The following DLGAP1 variants were observed in gnomAD, a reference collection of about 807,000 sequenced individuals.
DLGAP1 encodes the protein disks large-associated protein 1.
DLGAP1 carries 11 observed loss-of-function variants against 90.8 expected under a neutral mutation model. The observed-to-expected ratio is 0.12, with a 90% CI of 0.08 to 0.20. The LOEUF (loss-of-function observed/expected upper bound fraction) is 0.20, where lower values mean the gene tolerates loss of function less well. Ranked by LOEUF, DLGAP1 falls within the 10% of genes least tolerant of loss-of-function variation. The pLI is 1.00. For missense variants in DLGAP1, 1,050 were observed against 1,333.8 expected, an observed-to-expected ratio of 0.79 and a Z score of 3.31; for synonymous variants, 558 against 540.7, an observed-to-expected ratio of 1.03 and a Z score of -0.44.
intron 1 of DLGAP1, among the ~76,000 whole-genome samples, chr18:4,414,643 T>C (rs1267342624): frequency 1.3e-5 from 2 of 150,422 alleles, no homozygotes; most frequent in Non-Finnish European, 2.9e-5. Flanking sequence ...GGAGAATCAC[T>C]GGAACCCGGA....
At chr18:4,131,062 A>G (rs2076306517) in intron 2 of DLGAP1, among the ~76,000 whole-genome samples, 1 of 152,108 alleles carries the variant, frequency 6.6e-6, no homozygotes. Context: ...AAACAGCATT[A>G]CAGTGTCTTT....
chr18:3,876,523 A>C (rs952338196), intron 4 of DLGAP1, among the ~76,000 whole-genome samples: 11 of 152,204 alleles, frequency 7.2e-5, no homozygotes, highest in Admixed American at 6.5e-5. Flanking sequence ...CCAATGTAGG[A>C]CAGAATATGT....
chr18:4,001,678 A>G (rs953236224), intron 3 of DLGAP1, among the ~76,000 whole-genome samples: 5 of 151,988 alleles, frequency 3.3e-5, no homozygotes, highest in African/African-American at 9.7e-5. Flanking sequence ...CTTTGCTCCT[A>G]TCATCTATTT....
At chr18:3,537,223 A>T (rs575073246) in intron 9 of DLGAP1, among the ~76,000 whole-genome samples, 1 of 152,096 alleles carries the variant, frequency 6.6e-6, no homozygotes, top group Non-Finnish European at 1.5e-5. Context: ...ATCTTTTCCA[A>T]CTGAAACTGT....
intron 1 of DLGAP1, among the ~76,000 whole-genome samples, chr18:4,257,844 C>T (rs1309039444): frequency 1.3e-5 from 2 of 151,946 alleles, no homozygotes; most frequent in Admixed American, 6.6e-5. Flanking sequence ...AGGCTGGTCT[C>T]AAACTCCTGA....
At chr18:4,189,487 A>T (rs2077356325) in intron 1 of DLGAP1, among the ~76,000 whole-genome samples, 1 of 152,150 alleles carries the variant, frequency 6.6e-6, no homozygotes, top group Non-Finnish European at 1.5e-5. Context: ...AGAAGGTCTA[A>T]ATAAACTGAA....
chr18:3,550,529 G>A (rs2053329515), intron 9 of DLGAP1, among the ~76,000 whole-genome samples: 1 of 152,152 alleles, frequency 6.6e-6, no homozygotes, highest in East Asian at 1.9e-4. Context: ...CCTGGCCTTA[G>A]GGCCTTTAAA....
intron 1 of DLGAP1, among the ~76,000 whole-genome samples, chr18:4,276,369 C>G (rs746884621): frequency 6.6e-6 from 1 of 152,014 alleles, no homozygotes; most frequent in Non-Finnish European, 1.5e-5. Context: ...GGCACGTTGG[C>G]TTATCCCTGT....
chr18:4,155,105 G>C (rs2076734387), intron 1 of DLGAP1, among the ~76,000 whole-genome samples: 1 of 151,964 alleles, frequency 6.6e-6, no homozygotes, highest in Non-Finnish European at 1.5e-5. Context: ...AAAAACTTGA[G>C]AGATGTGAGG....
chr18:3,942,438 A>C, intron 3 of DLGAP1, among the ~76,000 whole-genome samples: 1 of 152,256 alleles, frequency 6.6e-6, no homozygotes, highest in East Asian at 1.9e-4. Context: ...GGAAAGCTTC[A>C]GAATACGTTT....
At chr18:3,754,055 C>T (rs1261388216) in intron 5 of DLGAP1, among the ~76,000 whole-genome samples, 1 of 152,144 alleles carries the variant, frequency 6.6e-6, no homozygotes, top group Admixed American at 6.5e-5. Flanking sequence ...GGCTAGAGTG[C>T]AGTGGCATGA....
chr18:4,230,504 A>C (rs773675422), intron 1 of DLGAP1, among the ~76,000 whole-genome samples: 1 of 152,052 alleles, frequency 6.6e-6, no homozygotes, highest in Non-Finnish European at 1.5e-5. Flanking sequence ...ACTGGAGGTC[A>C]TTATGTTAAG....
chr18:3,996,049 A>G (rs1350292090), intron 3 of DLGAP1, among the ~76,000 whole-genome samples: 1 of 152,190 alleles, frequency 6.6e-6, no homozygotes, highest in Non-Finnish European at 1.5e-5. Context: ...GCCTAATTCA[A>G]TACTTAACTT....
chr18:3,785,484 A>C lies in DLGAP1; in HGVS notation c.1172+28575T>G, dbSNP rs536078028. Among the ~76,000 whole-genome samples, 23 of 152,354 alleles carry C rather than the reference A, an allele frequency of 1.5e-4. No individual in the cohort carries two copies. The South Asian group carries it at 4.6e-3, about 30-fold the overall frequency. ...CAGGAGAATGAGTACTCAATAACTC[A>C]GTGGAGTACAGATCTTATAAAGCCT... On this transcript the variant is annotated intron_variant, in intron 5 of 12. Transcript: ENST00000315677.
At position 4,099,833 on chromosome 18, in the gene DLGAP1, A is replaced by G. The variant is rs370310703; in HGVS notation, c.-159+51347T>C. Among the ~76,000 whole-genome samples, 39 of 151,320 alleles carry G rather than the reference A, an allele frequency of 2.6e-4. 3 individuals carry two copies. The highest frequency in any genetic ancestry group is 9.2e-4 in the Admixed American group (14 of 15,152). ...ATCCTTCTGCCTCAGCCTCCCTAGT[A>G]GCTGGGACTACAGGTGTGTGCTGCC... On this transcript the variant is annotated intron_variant, in intron 2 of 12. Coordinates refer to ENST00000315677, the MANE Select transcript of DLGAP1 (RefSeq NM_004746.4).
chr18:4,358,534 C>A (rs1021621410), intron 1 of DLGAP1, among the ~76,000 whole-genome samples: 2 of 152,210 alleles, frequency 1.3e-5, no homozygotes, highest in African/African-American at 4.8e-5. Context: ...CCAGTGACCT[C>A]AAGTAAGGAG....
intron 7 of DLGAP1, among the ~76,000 whole-genome samples, chr18:3,675,174 G>A (rs1024654032): frequency 7.2e-5 from 11 of 152,108 alleles, no homozygotes; most frequent in South Asian, 2.1e-4. Flanking sequence ...TGGTTCAAGC[G>A]ATTATCCTGC....
chr18:4,364,655 C>A (rs1193754658), intron 1 of DLGAP1, among the ~76,000 whole-genome samples: 1 of 152,072 alleles, frequency 6.6e-6, no homozygotes, highest in African/African-American at 2.4e-5. Context: ...CTCAATCCCC[C>A]TCAGTTCACC....
intron 1 of DLGAP1, among the ~76,000 whole-genome samples, chr18:4,395,851 C>T (rs1392038590): frequency 1.3e-5 from 2 of 152,046 alleles, no homozygotes; most frequent in Non-Finnish European, 2.9e-5. Flanking sequence ...ATGCTGAATG[C>T]GGGAGCTGCA....
Sources: allele counts gnomAD v4.1 joint callset (sites outside exome capture counted in the v4.1 genomes callset), GRCh38; gene constraint gnomAD v4.1.1; transcripts MANE v1.5; gene names NCBI Gene and HGNC (gene_info 2026-07-23, HGNC 2026-07-21).